The following ZNF385B variants were observed in gnomAD, a reference collection of about 807,000 sequenced individuals.
The protein encoded by ZNF385B is zinc finger protein 533.
ZNF385B carries 23 observed loss-of-function variants against 39.2 expected under a neutral mutation model. That is an observed-to-expected ratio of 0.59 (90% CI 0.42 to 0.83). The LOEUF (loss-of-function observed/expected upper bound fraction) is 0.83, where lower values mean the gene tolerates loss of function less well. ZNF385B is among the 40% of genes least tolerant of loss of function. The pLI, the probability that ZNF385B is intolerant of heterozygous loss-of-function variation, is 0.00. For missense variants in ZNF385B, 552 were observed against 598.9 expected, an observed-to-expected ratio of 0.92 and a Z score of 0.82; for synonymous variants, 205 against 222.6, an observed-to-expected ratio of 0.92 and a Z score of 0.70.
chr2:179,578,308 A>C (rs906876498), intron 3 of ZNF385B, among the ~76,000 whole-genome samples: 2 of 152,126 alleles, frequency 1.3e-5, no homozygotes, highest in African/African-American at 2.4e-5. Context: ...ATATGTTACA[A>C]GGGCAATAAA....
In ZNF385B at chr2:179,474,822, G is replaced by GA. The variant is rs527923378; in HGVS notation, c.715+8449dup. On this transcript the variant is annotated intron_variant, in intron 6 of 9. Transcript: ENST00000410066. ...AAATAAGCATCACAGGAAAAGGAAGGAAAAAAAATCTGCGAGAACATCAAT... is the reference window on the plus strand; with the variant it reads ...AAATAAGCATCACAGGAAAAGGAAGGAAAAAAAAATCTGCGAGAACATCAAT... 2.1e-3 allele frequency among the ~76,000 whole-genome samples: 319 copies of GA among 151,860 alleles called. 3 individuals carry two copies. The highest frequency in any genetic ancestry group is 7.4e-3 in the African/African-American group (306 of 41,420).
intron 6 of ZNF385B, among the ~76,000 whole-genome samples, chr2:179,467,759 T>A (rs1275632632): frequency 6.6e-6 from 1 of 152,060 alleles, no homozygotes; most frequent in Non-Finnish European, 1.5e-5. Flanking sequence ...CAGGGAAAAT[T>A]GTCTATAAAG....
chr2:179,747,265 T>C (rs565062270), intron 3 of ZNF385B, among the ~76,000 whole-genome samples: 2 of 152,270 alleles, frequency 1.3e-5, no homozygotes, highest in African/African-American at 4.8e-5. Context: ...TATGTCCCCA[T>C]ATGGAAAGTT....
chr2:179,561,614 C>T (rs1318506506), intron 3 of ZNF385B, among the ~76,000 whole-genome samples: 3 of 115,886 alleles, frequency 2.6e-5, no homozygotes, highest in Admixed American at 1.0e-4. Context: ...TTACAAATGG[C>T]AAAATTGAAA....
chr2:179,610,762 T>C (rs1027913729), intron 3 of ZNF385B, among the ~76,000 whole-genome samples: 2 of 152,174 alleles, frequency 1.3e-5, no homozygotes, highest in African/African-American at 4.8e-5. Flanking sequence ...TAGAGATCTT[T>C]CACTTCCTTG....
At chr2:179,622,161 C>T (rs1167129602) in intron 3 of ZNF385B, among the ~76,000 whole-genome samples, 4 of 152,132 alleles carry the variant, frequency 2.6e-5, no homozygotes, top group Admixed American at 6.6e-5. Context: ...GCTCTGAGCC[C>T]TTATGCAAAT....
chr2:179,829,552 C>T (rs899915339), intron 1 of ZNF385B, among the ~76,000 whole-genome samples: 5 of 151,998 alleles, frequency 3.3e-5, no homozygotes, highest in East Asian at 1.9e-4. Context: ...CTTGCTCTGT[C>T]GCCCAGGCTG....
intron 1 of ZNF385B, among the ~76,000 whole-genome samples, chr2:179,783,866 T>G (rs1346366474): frequency 6.6e-6 from 1 of 152,172 alleles, no homozygotes; most frequent in Admixed American, 6.5e-5. Flanking sequence ...TTATATATAC[T>G]GTTGCTGGGA....
At chr2:179,796,186 C>G (rs979864603) in intron 1 of ZNF385B, 2 of 152,134 alleles carry the variant, frequency 1.3e-5, no homozygotes, top group Admixed American at 1.3e-4. Context: ...ATTTTACTAA[C>G]TTGAGGTTTT....
At chr2:179,776,412 G>T (rs1397532451) in intron 1 of ZNF385B, among the ~76,000 whole-genome samples, 1 of 152,106 alleles carries the variant, frequency 6.6e-6, no homozygotes, top group Non-Finnish European at 1.5e-5. Flanking sequence ...CCTGAGACTG[G>T]GCAGAGAAGA....
chr2:179,772,021 G>C (rs1361445438), intron 1 of ZNF385B, among the ~76,000 whole-genome samples: 1 of 152,094 alleles, frequency 6.6e-6, no homozygotes, highest in Non-Finnish European at 1.5e-5. Flanking sequence ...AGGTGCCCAG[G>C]CTTGTCCATA....
chr2:179,624,284 G>A (rs1690470103), intron 3 of ZNF385B, among the ~76,000 whole-genome samples: 1 of 152,058 alleles, frequency 6.6e-6, no homozygotes, highest in African/African-American at 2.4e-5. Context: ...TTCCCAGAAG[G>A]GTCTGGAACT....
intron 3 of ZNF385B, among the ~76,000 whole-genome samples, chr2:179,638,564 A>G (rs573693178): frequency 5.3e-5 from 8 of 152,284 alleles, no homozygotes; most frequent in African/African-American, 1.9e-4. Context: ...GTAATGCTGA[A>G]ATGAAATTGA....
At chr2:179,450,204 T>C (rs1388037896) in intron 6 of ZNF385B, among the ~76,000 whole-genome samples, 2 of 152,032 alleles carry the variant, frequency 1.3e-5, no homozygotes, top group Non-Finnish European at 2.9e-5. Context: ...AAGGACTTCA[T>C]GTCTAAAACA....
At chr2:179,495,929 T>A (rs1294292395) in intron 5 of ZNF385B, among the ~76,000 whole-genome samples, 3 of 152,066 alleles carry the variant, frequency 2.0e-5, no homozygotes, top group African/African-American at 7.2e-5. Flanking sequence ...TACCTAACTC[T>A]TCAATGCCCA....
chr2:179,530,088 G>A (rs1010304870), intron 4 of ZNF385B, among the ~76,000 whole-genome samples: 3 of 152,190 alleles, frequency 2.0e-5, no homozygotes, highest in African/African-American at 4.8e-5. Context: ...TGTGAAGAGA[G>A]ATCCATCCCA....
intron 6 of ZNF385B, among the ~76,000 whole-genome samples, chr2:179,473,588 T>C (rs1481955143): frequency 1.3e-5 from 2 of 152,190 alleles, no homozygotes; most frequent in Admixed American, 1.3e-4. Context: ...GTTTGTTACA[T>C]AGGTATACCT....
At chr2:179,832,946 A>T (rs115884463) in intron 1 of ZNF385B, among the ~76,000 whole-genome samples, 7,054 of 152,288 alleles carry the variant, frequency 0.046, 233 homozygotes, top group Non-Finnish European at 0.07. Flanking sequence ...AATGTTATAT[A>T]AAATATTTTT....
intron 3 of ZNF385B, among the ~76,000 whole-genome samples, chr2:179,751,068 G>C (rs2106468444): frequency 6.6e-6 from 1 of 152,168 alleles, no homozygotes; most frequent in South Asian, 2.1e-4. Context: ...TTAAAATGGA[G>C]ATTTTTTCCA....
Sources: gnomAD v4.1 joint callset for allele counts (sites outside exome capture counted in the v4.1 genomes callset) on GRCh38, gnomAD v4.1.1 for gene constraint, MANE v1.5 for transcripts, NCBI Gene and HGNC (gene_info 2026-07-23, HGNC 2026-07-21) for gene names.